The following EVL variants were observed in gnomAD, a reference collection of about 807,000 sequenced individuals.
EVL encodes the protein ena/VASP-like protein.
A neutral mutation model predicts 59.6 loss-of-function variants in EVL; 21 were observed. The observed-to-expected ratio is 0.35, with a 90% CI of 0.25 to 0.51. EVL has a LOEUF of 0.51. EVL is among the 20% of genes least tolerant of loss of function. The probability of loss-of-function intolerance (pLI) is 0.97; values close to 1 mark genes in which losing one functional copy is unlikely to be tolerated. For synonymous variants in EVL, 198 were observed against 203.5 expected, an observed-to-expected ratio of 0.97 and a Z score of 0.23; for missense variants, 462 against 546.6, an observed-to-expected ratio of 0.85 and a Z score of 1.54.
chr14:100,101,328 A>G (rs1030407031), intron 3 of EVL, among the ~76,000 whole-genome samples: 8 of 152,194 alleles, frequency 5.3e-5, no homozygotes, highest in African/African-American at 1.9e-4. Context: ...TCTACTAAAA[A>G]TATAAAATTA....
intron 1 of EVL, among the ~76,000 whole-genome samples, chr14:99,985,616 G>C (rs1300746566): frequency 6.6e-6 from 1 of 151,690 alleles, no homozygotes; most frequent in Non-Finnish European, 1.5e-5. Context: ...TAAAATACAA[G>C]ATTAGCTGGG....
At chr14:99,976,588 A>G (rs2060771757) in intron 1 of EVL, among the ~76,000 whole-genome samples, 2 of 152,056 alleles carry the variant, frequency 1.3e-5, no homozygotes, top group South Asian at 4.1e-4. Context: ...AATTATTTGT[A>G]GGAATAATTT....
chr14:100,053,693 G>A (rs1254910586), intron 1 of EVL, among the ~76,000 whole-genome samples: 1 of 152,192 alleles, frequency 6.6e-6, no homozygotes, highest in Non-Finnish European at 1.5e-5. Context: ...GTAAAACTGT[G>A]ACTTTGTAAC....
At chr14:100,072,236 T>C (rs1472352738) in intron 1 of EVL, among the ~76,000 whole-genome samples, 1 of 152,184 alleles carries the variant, frequency 6.6e-6, no homozygotes, top group Non-Finnish European at 1.5e-5. Flanking sequence ...ACTTTTTTGT[T>C]GTTGTTGCAT....
chr14:99,985,248 T>C (rs1358552639), intron 1 of EVL, among the ~76,000 whole-genome samples: 1 of 151,940 alleles, frequency 6.6e-6, no homozygotes. Flanking sequence ...GCATGGGGCA[T>C]ATGAGATGGC....
rs79293652 is a variant in EVL at position 100,072,933 on chromosome 14, G to A, written c.11+7422G>A. ...TGCTGTCTAGTCCAGGCTCTGCCGC[G>A]GATCAGCCATGGGCGTTGGGCAGGT... is the stretch of plus-strand genomic sequence containing the variant. On this transcript the variant is annotated intron_variant, in intron 1 of 13. Transcript: ENST00000392920. Among the ~76,000 whole-genome samples, 958 of 152,326 alleles carry A rather than the reference G, an allele frequency of 6.3e-3. 10 individuals carry two copies. Among genetic ancestry groups the A allele is most frequent in the African/African-American group, 0.022 (902 of 41,564 alleles).
chr14:100,097,501 C>A lies in EVL; in HGVS notation c.201C>A (p.Ile67=). The change falls in exon 3 of 14, where the codon ATC becomes ATA. Residue 67 remains isoleucine, a synonymous_variant. Transcript: ENST00000392920. ...QDQQVVINYS[I]VKGLKYNQAT... ...TCCAGGTTGTGATCAATTATTCAAT[C>A]GTGAAAGGGCTGAAGTACAATCAGG... is the stretch of plus-strand genomic sequence containing the variant. 2.5e-6 allele frequency: 4 copies of A among 1,608,698 alleles called. No homozygotes were observed. Among genetic ancestry groups the A allele is most frequent in the Non-Finnish European group, 3.4e-6 (4 of 1,178,074 alleles).
At chr14:100,006,017 C>A (rs1191002) in intron 1 of EVL, among the ~76,000 whole-genome samples, 8,534 of 149,626 alleles carry the variant, frequency 0.057, 487 homozygotes, top group East Asian at 0.28. Context: ...TTTCCCCCCC[C>A]CCCCCCACAC....
intron 12 of EVL, 53 bp from the exon 13 acceptor site, chr14:100,141,683 G>A (rs1889177132): frequency 1.9e-6 from 3 of 1,591,086 alleles, no homozygotes; most frequent in East Asian, 4.5e-5. Flanking sequence ...GCCCAGGCCG[G>A]CTTTTCCGTC....
At chr14:100,090,286 T>C (rs1445607921) in intron 2 of EVL, among the ~76,000 whole-genome samples, 1 of 152,116 alleles carries the variant, frequency 6.6e-6, no homozygotes, top group Admixed American at 6.5e-5. Context: ...TCCTATAAAC[T>C]AAAAACATAG....
intron 1 of EVL, among the ~76,000 whole-genome samples, chr14:100,080,188 A>T (rs2062265741): frequency 1.3e-5 from 2 of 152,134 alleles, no homozygotes; most frequent in Non-Finnish European, 2.9e-5. Context: ...CTTGGGCCAC[A>T]CATAAAATAC....
chr14:100,125,709 C>G (rs1888032269), intron 4 of EVL, among the ~76,000 whole-genome samples: 1 of 152,058 alleles, frequency 6.6e-6, no homozygotes, highest in African/African-American at 2.4e-5. Flanking sequence ...GCGCGCGCCA[C>G]CACACCCAGC....
chr14:100,039,322 C>T (rs1285933880), intron 1 of EVL, among the ~76,000 whole-genome samples: 3 of 152,278 alleles, frequency 2.0e-5, no homozygotes, highest in African/African-American at 4.8e-5. Context: ...CTGCAACTTC[C>T]GCCTCCCAGA....
At chr14:99,984,594 A>G (rs1188480127) in intron 1 of EVL, among the ~76,000 whole-genome samples, 2 of 152,128 alleles carry the variant, frequency 1.3e-5, no homozygotes, top group Non-Finnish European at 1.5e-5. Flanking sequence ...TTATATTAGT[A>G]TGATACATTA....
At chr14:100,104,328 T>TA (rs1886424741) in intron 3 of EVL, among the ~76,000 whole-genome samples, 1 of 152,274 alleles carries the variant, frequency 6.6e-6, no homozygotes, top group Non-Finnish European at 1.5e-5. Flanking sequence ...TTTATTGTAA[T>TA]ATCTGGTCCT....
At chr14:100,100,784 C>CAAAAAAAAAAAAAAAAAAAAAAAAAAA (rs60820079) in intron 3 of EVL, among the ~76,000 whole-genome samples, 1 of 47,682 alleles carries the variant, frequency 2.1e-5, no homozygotes, top group African/African-American at 6.1e-5. Flanking sequence ...GAGTCTGTCT[C>CAAAAAAAAAAAAAAAAAAAAAAAAAAA]AAAAAAAAAA....
intron 1 of EVL, among the ~76,000 whole-genome samples, chr14:100,006,389 A>G (rs1309356687): frequency 6.6e-6 from 1 of 151,356 alleles, no homozygotes; most frequent in Non-Finnish European, 1.5e-5. Flanking sequence ...TGTTCAAGCA[A>G]TTCTCCTGCG....
At chr14:99,989,695 C>T (rs952448579) in intron 1 of EVL, among the ~76,000 whole-genome samples, 1 of 152,174 alleles carries the variant, frequency 6.6e-6, no homozygotes, top group African/African-American at 2.4e-5. Context: ...TCATATTGGA[C>T]AGCACAGATT....
chr14:100,015,421 G>T (rs946036985), intron 1 of EVL, among the ~76,000 whole-genome samples: 4 of 152,172 alleles, frequency 2.6e-5, no homozygotes, highest in African/African-American at 9.7e-5. Flanking sequence ...TTGTTTCTCC[G>T]GAGAAGTCCC....
Sources: allele counts gnomAD v4.1 joint callset (sites outside exome capture counted in the v4.1 genomes callset), GRCh38; gene constraint gnomAD v4.1.1; transcripts MANE v1.5; gene names NCBI Gene and HGNC (gene_info 2026-07-23, HGNC 2026-07-21).